Variants in PKD2L1 observed in about 807,000 individuals in gnomAD.
PKD2L1 encodes polycystin 2 like 1, transient receptor potential cation channel.
In PKD2L1, 77 loss-of-function variants were observed where a neutral mutation model predicts 93.0. The observed-to-expected ratio is 0.83, with a 90% CI of 0.69 to 1.00. The LOEUF is 1.00. PKD2L1 is among the 50% of genes least tolerant of loss of function. PKD2L1 has a pLI of 0.00. For missense variants in PKD2L1, 977 were observed against 990.9 expected (o/e 0.99, Z 0.19); for synonymous variants, 390 against 388.0 (o/e 1.01, Z -0.06).
At chr10:100,290,616 G>T in intron 12 of PKD2L1, 97 bp from the exon 13 acceptor site, 4 of 748,874 alleles carry the variant, frequency 5.3e-6, no homozygotes, top group Admixed American at 2.2e-5. Flanking sequence ...CAGGACCAAG[G>T]CTCAGGTCCT....
At chr10:100,320,615 C>T (rs1404518521) in intron 2 of PKD2L1, among the ~76,000 whole-genome samples, 1 of 152,208 alleles carries the variant, frequency 6.6e-6, no homozygotes, top group African/African-American at 2.4e-5. Flanking sequence ...AAACATCTCT[C>T]ATGCAATTTA....
In PKD2L1 at chr10:100,288,624, T is replaced by C. The variant is rs903176580; in HGVS notation, c.2336-146A>G. On this transcript the variant is annotated intron_variant, in intron 15 of 15. Transcript: ENST00000318222. Reference sequence around the variant, plus strand: ...CTACCTTTTTCACAGACCATGGCTATCCAGGTGCTTAGGAAGAGCCATTAC... The same window carrying C: ...CTACCTTTTTCACAGACCATGGCTACCCAGGTGCTTAGGAAGAGCCATTAC... 3 of 623,120 alleles carry C rather than the reference T, an allele frequency of 4.8e-6. No individual in the cohort carries two copies. In the African/African-American group the frequency reaches 5.5e-5, roughly 11 times the overall value. The allele number at this position is 623,120 out of a possible 1,614,324, so 38.6% of individuals were successfully genotyped here.
chr10:100,298,254 T>C (rs1848596279), intron 4 of PKD2L1, among the ~76,000 whole-genome samples: 1 of 152,200 alleles, frequency 6.6e-6, no homozygotes, highest in Non-Finnish European at 1.5e-5. Flanking sequence ...CCTAACCAAC[T>C]TCTAGGCAAG....
At chr10:100,329,107 T>G (rs1849442654) in intron 2 of PKD2L1, 104 bp downstream of exon 2, 1 of 1,063,796 alleles carries the variant, frequency 9.4e-7, no homozygotes, top group Non-Finnish European at 1.4e-6. Context: ...CTTACACAGA[T>G]AGATGCTCGC....
Position 100,297,118 on chromosome 10 carries a change from G to A in PKD2L1, c.1047C>T (p.Asp349=). The change falls in exon 6 of 16, where the codon GAC becomes GAT. Residue 349 remains aspartate, a synonymous_variant. Coordinates refer to ENST00000318222, the MANE Select transcript of PKD2L1 (RefSeq NM_016112.3). The part of the protein sequence containing the change: ...VKLIRYVSNW[D]FFIVGCEVIF... ...TGACCTCACAGCCAACGATAAAGAA[G>A]TCCCAGTTGCTGACATAGCGGATCA... is the stretch of plus-strand genomic sequence containing the variant. 1.2e-6 allele frequency: 2 copies of A among 1,614,198 alleles called. No homozygotes were observed. The highest frequency in any genetic ancestry group is 1.7e-5 in the Admixed American group (1 of 60,028).
At chr10:100,294,423 C>G (rs1848473064) in intron 9 of PKD2L1, 112 bp downstream of exon 9, 5 of 1,139,376 alleles carry the variant, frequency 4.4e-6, no homozygotes, top group Non-Finnish European at 6.5e-6. Flanking sequence ...CCCCCCCACT[C>G]ACTCTCCATC....
intron 2 of PKD2L1, among the ~76,000 whole-genome samples, chr10:100,315,022 A>G (rs1240148126): frequency 8.6e-4 from 9 of 10,464 alleles, no homozygotes; most frequent in Admixed American, 6.2e-3. Flanking sequence ...AAGGGAAGGG[A>G]AGGGAAGGGA....
Position 100,329,905 on chromosome 10 carries a change from A to G in PKD2L1, c.199T>C (p.Ser67Pro). ...PQETAYRTQV[S>P]SCCLHICQGI... ...TGACAGATATGGAGGCAGCAGCTGG[A>G]CACCTGGGTCCTGTATGCCGTCTCC... The change falls in exon 1 of 16, where the codon TCC becomes CCC. Residue 67 changes from serine to proline, a missense_variant. Transcript: ENST00000318222. 6.2e-7 allele frequency: 1 copy of G among 1,613,262 alleles called. No individual in the cohort carries two copies. The highest frequency in any genetic ancestry group is 2.2e-5 in the East Asian group (1 of 44,868).
At chr10:100,319,125 C>A (rs907239928) in intron 2 of PKD2L1, among the ~76,000 whole-genome samples, 1 of 152,158 alleles carries the variant, frequency 6.6e-6, no homozygotes, top group Non-Finnish European at 1.5e-5. Flanking sequence ...GGATTACAGG[C>A]GTGAGCCACT....
At chr10:100,299,507 G>T in intron 3 of PKD2L1, 84 bp downstream of exon 3, 2 of 1,261,764 alleles carry the variant, frequency 1.6e-6, no homozygotes, top group Non-Finnish European at 2.3e-6. Flanking sequence ...TGATTTCCCA[G>T]CATAAGGTCT....
In PKD2L1 at chr10:100,330,116, G is replaced by T. The variant is rs200807063; in HGVS notation, c.-13C>A. ...CCACAGCATTCATGGGGAATGAGGT[G>T]GGGGGGCCCGGTACCCCAGGTGCCC... On this transcript the variant is annotated 5_prime_UTR_variant, in exon 1 of 16. Coordinates refer to ENST00000318222, the MANE Select transcript of PKD2L1 (RefSeq NM_016112.3). The T allele has an allele frequency of 9.3e-6, 14 of 1,497,578 alleles. No individual in the cohort carries two copies. Among genetic ancestry groups the T allele is most frequent in the African/African-American group, 6.9e-5 (5 of 72,136 alleles). The allele number at this position is 1,497,578 out of a possible 1,614,324, so 92.8% of individuals were successfully genotyped here.
chr10:100,294,772 G>A, intron 8 of PKD2L1, 117 bp from the exon 9 acceptor site: 1 of 1,455,258 alleles, frequency 6.9e-7, no homozygotes, highest in Non-Finnish European at 9.5e-7. Flanking sequence ...ACACAGGGCA[G>A]GGTGCTTAGA....
chr10:100,292,970 C>T lies in PKD2L1; in HGVS notation c.1858G>A (p.Asp620Asn), dbSNP rs746954146. The change falls in exon 11 of 16, where the codon GAT becomes AAT. Residue 620 changes from aspartate (D) to asparagine (N), a missense_variant. Asp to Asn is a conservative substitution (Grantham distance 23). Transcript: ENST00000318222. ...CACTCCCTTAAGGTGTTGGTGAAAT[C>T]CTCAAACTGGATCTCCTGCTCCCCA... ...QGGEQEIQFE[D>N]FTNTLRELGH... 6.2e-7 allele frequency: 1 copy of T among 1,614,074 alleles called. No individual in the cohort carries two copies. The highest frequency in any genetic ancestry group is 1.7e-5 in the Admixed American group (1 of 59,984).
intron 2 of PKD2L1, among the ~76,000 whole-genome samples, chr10:100,305,332 T>A (rs1006310667): frequency 4.6e-5 from 7 of 152,142 alleles, no homozygotes; most frequent in Admixed American, 3.3e-4. Flanking sequence ...CAGGCTGGTC[T>A]CGAACTCCTG....
chr10:100,290,537 G>GTTATCTCCTCCCCTCTAACCTCT lies in PKD2L1; in HGVS notation c.2008-19_2008-18insAGAGGTTAGAGGGGAGGAGATAA. ...AGGGCCACCTGCTCAGGAAGTCAGA[G>GTTATCTCCTCCCCTCTAACCTCT]GTTAGAGGGGAGGAGATAACTCTGG... On this transcript the variant is annotated intron_variant, in intron 12 of 15. Coordinates refer to ENST00000318222, the MANE Select transcript of PKD2L1 (RefSeq NM_016112.3). 1 of 1,514,282 alleles carries GTTATCTCCTCCCCTCTAACCTCT rather than the reference G, an allele frequency of 6.6e-7. No individual in the cohort carries two copies. The highest frequency in any genetic ancestry group is 9.2e-7 in the Non-Finnish European group (1 of 1,092,342). The allele number at this position is 1,514,282 out of a possible 1,614,324, so 93.8% of individuals were successfully genotyped here.
In PKD2L1 at chr10:100,326,578, C is replaced by T. The variant is rs144887760; in HGVS notation, c.349+2633G>A. Among the ~76,000 whole-genome samples, 17 of 152,280 alleles carry T rather than the reference C, an allele frequency of 1.1e-4. No individual in the cohort carries two copies. The East Asian group carries it at 2.5e-3, about 22-fold the overall frequency. On this transcript the variant is annotated intron_variant, in intron 2 of 15. Coordinates refer to ENST00000318222, the MANE Select transcript of PKD2L1 (RefSeq NM_016112.3). ...AGTACTCTGTGCTGGTCAGATTGTC[C>T]GTGGCATATTTTGTCCAGTGCCAGG...
chr10:100,312,148 G>A (rs977384208), intron 2 of PKD2L1, among the ~76,000 whole-genome samples: 1 of 152,188 alleles, frequency 6.6e-6, no homozygotes, highest in Non-Finnish European at 1.5e-5. Flanking sequence ...ATGAGGGAAG[G>A]GTTAGATCCT....
In PKD2L1 at chr10:100,291,390, C is replaced by T. The variant is rs755319024; in HGVS notation, c.1918G>A (p.Ala640Thr). 6.2e-7 allele frequency: 1 copy of T among 1,614,046 alleles called. No homozygotes were observed. The highest frequency in any genetic ancestry group is 8.5e-7 in the Non-Finnish European group (1 of 1,179,936). Residue 640 changes from alanine to threonine, a missense_variant, in exon 12 of 16, where the codon GCC (alanine) becomes ACC (threonine). By Grantham distance (58) the Ala-to-Thr change is moderately conservative. Transcript: ENST00000318222. ...HAEHEITELT[A>T]TFTKFDRDGN... is the part of the protein sequence containing the mutation. Reference sequence around the variant, plus strand: ...TCTCTGTCAAACTTGGTGAAGGTGGCCGTGAGCTCAGTGATTTCATGCTCT... The same window carrying T: ...TCTCTGTCAAACTTGGTGAAGGTGGTCGTGAGCTCAGTGATTTCATGCTCT...
At chr10:100,311,858 A>G (rs1031965698) in intron 2 of PKD2L1, among the ~76,000 whole-genome samples, 1 of 152,180 alleles carries the variant, frequency 6.6e-6, no homozygotes, top group Non-Finnish European at 1.5e-5. Context: ...GAACTATTAT[A>G]TATACACTTT....
Sources: gnomAD v4.1 joint callset for allele counts (sites outside exome capture counted in the v4.1 genomes callset) on GRCh38, gnomAD v4.1.1 for gene constraint, MANE v1.5 for transcripts, NCBI Gene and HGNC (gene_info 2026-07-23, HGNC 2026-07-21) for gene names.